Variants in AKAP13 observed in about 807,000 individuals in gnomAD.
AKAP13 encodes A-kinase anchoring protein 13.
In AKAP13, 80 loss-of-function variants were observed where a neutral mutation model predicts 264.5. The observed-to-expected ratio is 0.30, with a 90% CI of 0.25 to 0.36. The LOEUF is 0.36. Ranked by LOEUF, AKAP13 falls within the 10% of genes least tolerant of loss-of-function variation. AKAP13 has a pLI of 1.00. For synonymous variants in AKAP13, 1,380 were observed against 1,250.2 expected, an observed-to-expected ratio of 1.10 and a Z score of -2.19; for missense variants, 3,712 against 3,435.2, an observed-to-expected ratio of 1.08 and a Z score of -2.01.
intron 14 of AKAP13, among the ~76,000 whole-genome samples, chr15:85,674,684 T>A (rs1597011808): frequency 1.3e-5 from 2 of 152,306 alleles, no homozygotes; most frequent in East Asian, 1.9e-4. Flanking sequence ...CTGTACCAGA[T>A]CTTTAAAAAG....
chr15:85,470,435 A>T (rs965212858), intron 1 of AKAP13, among the ~76,000 whole-genome samples: 11 of 152,236 alleles, frequency 7.2e-5, no homozygotes, highest in African/African-American at 2.7e-4. Flanking sequence ...AATAAAGGTA[A>T]TTCACTTTCA....
intron 2 of AKAP13, among the ~76,000 whole-genome samples, chr15:85,489,273 G>A (rs935044129): frequency 3.3e-5 from 5 of 152,178 alleles, no homozygotes; most frequent in Non-Finnish European, 5.9e-5. Context: ...GAGTAACATA[G>A]TTAATACACT....
rs558035516 is a variant in AKAP13 at position 85,508,790 on chromosome 15, A to AT, written c.34-12632dup. The stretch of plus-strand genomic sequence containing the variant: ...TTGCTCCTCCAGACTGACCTTTGCT[A>AT]TTTTTTGAACACGCTGAGTTTGTAC... On this transcript the variant is annotated intron_variant, in intron 2 of 36. Coordinates refer to ENST00000394518, the MANE Select transcript of AKAP13 (RefSeq NM_007200.5). Among the ~76,000 whole-genome samples the AT allele has an allele frequency of 1.3e-3, 198 of 152,132 alleles. 2 individuals are homozygous for AT. Among genetic ancestry groups the AT allele is most frequent in the African/African-American group, 4.7e-3 (194 of 41,492 alleles).
In AKAP13 at chr15:85,629,764, C is replaced by CTTTTTTTTTTTTTTT. The variant is rs773396099; in HGVS notation, c.4162-9591_4162-9577dup. Among the ~76,000 whole-genome samples, 12 of 50,526 alleles carry CTTTTTTTTTTTTTTT rather than the reference C, an allele frequency of 2.4e-4. 1 individual carries two copies. The highest frequency in any genetic ancestry group is 3.3e-4 in the Non-Finnish European group (9 of 26,950). The allele number at this position is 50,526 out of a possible 152,430, so 33.1% of individuals were successfully genotyped here. A position where few individuals can be genotyped will look rare whatever the true frequency, so the allele number is the denominator to read the frequency against. ...GAAATATAATGAGTTCCTTTACAGC[C>CTTTTTTTTTTTTTTT]TTTTTTTTTTTTTTTTTTTTTTTTT... On this transcript the variant is annotated intron_variant, in intron 8 of 36. Transcript: ENST00000394518.
Position 85,572,659 on chromosome 15 carries a change from TA to T in AKAP13, c.663-2462del, listed in dbSNP as rs553677506. ...CCTTATACGTTTTCCACTGTAGCAT[TA>T]AAAAAAAAATTTTTTTTTTATTATT... is the stretch of plus-strand genomic sequence containing the variant. On this transcript the variant is annotated intron_variant, in intron 5 of 36. Transcript: ENST00000394518. 6.6e-3 allele frequency among the ~76,000 whole-genome samples: 989 copies of T among 150,968 alleles called. 13 individuals are homozygous for T. Among genetic ancestry groups the T allele is most frequent in the African/African-American group, 0.022 (920 of 41,220 alleles).
At chr15:85,735,356 T>TAATAATAC (rs2088375893) in intron 31 of AKAP13, among the ~76,000 whole-genome samples, 1 of 152,124 alleles carries the variant, frequency 6.6e-6, no homozygotes, top group African/African-American at 2.4e-5. Flanking sequence ...GCTAAAAGAG[T>TAATAATAC]AATAATACAT....
In AKAP13 at chr15:85,746,914, T is replaced by C. The variant is rs1163859550; in HGVS notation, c.*2237T>C. The C allele has an allele frequency of 6.6e-6, 1 of 152,216 alleles. No homozygotes were observed. Among genetic ancestry groups the C allele is most frequent in the African/African-American group, 2.4e-5 (1 of 41,448 alleles). 9.4% of individuals were successfully genotyped at this position (152,216 alleles called of 1,614,324 possible). ...ATGGGATTTACTTGCGTACGTGCTCTTCACAAAAACACCGTGGATGCTGAA... is the reference window on the plus strand; with the variant it reads ...ATGGGATTTACTTGCGTACGTGCTCCTCACAAAAACACCGTGGATGCTGAA... On this transcript the variant is annotated 3_prime_UTR_variant, in exon 37 of 37. Coordinates refer to ENST00000394518, the MANE Select transcript of AKAP13 (RefSeq NM_007200.5).
chr15:85,631,512 A>T (rs1293206646), intron 8 of AKAP13, among the ~76,000 whole-genome samples: 2,375 of 29,094 alleles, frequency 0.082, 28 homozygotes, highest in East Asian at 0.25. Context: ...TCACACACAC[A>T]CACACACACA....
chr15:85,477,422 A>C (rs1043755245), intron 1 of AKAP13, among the ~76,000 whole-genome samples: 1 of 151,850 alleles, frequency 6.6e-6, no homozygotes, highest in Non-Finnish European at 1.5e-5. Context: ...GGCTGGTGTA[A>C]ATTGATGGGG....
chr15:85,632,285 G>T (rs920788560), intron 8 of AKAP13, among the ~76,000 whole-genome samples: 1 of 152,102 alleles, frequency 6.6e-6, no homozygotes, highest in Non-Finnish European at 1.5e-5. Flanking sequence ...AACACGAAGG[G>T]GTCCAGGTTG....
At chr15:85,551,876 A>AT (rs2077972333) in intron 5 of AKAP13, among the ~76,000 whole-genome samples, 1 of 152,210 alleles carries the variant, frequency 6.6e-6, no homozygotes, top group South Asian at 2.1e-4. Context: ...GCTACATGTG[A>AT]TTTTTACTTG....
intron 1 of AKAP13, among the ~76,000 whole-genome samples, chr15:85,461,628 G>C (rs568222390): frequency 7.3e-5 from 11 of 151,610 alleles, no homozygotes; most frequent in African/African-American, 1.9e-4. Flanking sequence ...TGTTGTTGTT[G>C]GGGGAGGGGT....
At chr15:85,438,684 C>G (rs1434521199) in intron 1 of AKAP13, among the ~76,000 whole-genome samples, 1 of 150,972 alleles carries the variant, frequency 6.6e-6, no homozygotes, top group African/African-American at 2.4e-5. Flanking sequence ...ACTATCTGAT[C>G]TTTGACAAAC....
At chr15:85,495,825 A>G (rs2075855157) in intron 2 of AKAP13, among the ~76,000 whole-genome samples, 1 of 152,184 alleles carries the variant, frequency 6.6e-6, no homozygotes, top group African/African-American at 2.4e-5. Context: ...ATGTTTTTGC[A>G]TGTAACTGCT....
chr15:85,550,134 C>T lies in AKAP13; in HGVS notation c.662+6179C>T, dbSNP rs1195583899. On this transcript the variant is annotated intron_variant, in intron 5 of 36. Coordinates refer to ENST00000394518, the MANE Select transcript of AKAP13 (RefSeq NM_007200.5). ...GTTTCACCGTGTCGGTCAGGCTGGT[C>T]TCGATTTCGTGACCTCGTGATCCGC... Among the ~76,000 whole-genome samples the T allele has an allele frequency of 2.0e-5, 3 of 152,138 alleles. No homozygotes were observed. The East Asian group carries it at 5.8e-4, about 29-fold the overall frequency.
chr15:85,634,423 G>A (rs553669330), intron 8 of AKAP13, among the ~76,000 whole-genome samples: 2 of 152,238 alleles, frequency 1.3e-5, no homozygotes, highest in East Asian at 3.9e-4. Flanking sequence ...AGTTTGTTTA[G>A]ATATTTCTGC....
chr15:85,643,331 T>C (rs2082398147), intron 9 of AKAP13, among the ~76,000 whole-genome samples: 1 of 152,186 alleles, frequency 6.6e-6, no homozygotes, highest in Non-Finnish European at 1.5e-5. Flanking sequence ...TTTAGCCAGA[T>C]GCTTAACTAG....
Position 85,645,766 on chromosome 15 carries a change from G to T in AKAP13, c.4238-52G>T, listed in dbSNP as rs909704824. 187 of 1,456,014 alleles carry T rather than the reference G, an allele frequency of 1.3e-4. No individual in the cohort carries two copies. The highest frequency in any genetic ancestry group is 7.5e-4 in the East Asian group (31 of 41,210). The allele number at this position is 1,456,014 out of a possible 1,614,324, so 90.2% of individuals were successfully genotyped here. On this transcript the variant is annotated intron_variant, in intron 9 of 36. Transcript: ENST00000394518. ...AAGGAAGTGGTTCTTTTTGTTTTTT[G>T]GTTTTTTTGTTTTTTTTTTTTCAAT...
chr15:85,714,160 C>A (rs1397823000), intron 19 of AKAP13, among the ~76,000 whole-genome samples: 1 of 152,102 alleles, frequency 6.6e-6, no homozygotes, highest in Non-Finnish European at 1.5e-5. Flanking sequence ...ATACTGTATT[C>A]TTACAATAAA....
Sources: allele counts gnomAD v4.1 joint callset (sites outside exome capture counted in the v4.1 genomes callset), GRCh38; gene constraint gnomAD v4.1.1; transcripts MANE v1.5; gene names NCBI Gene and HGNC (gene_info 2026-07-23, HGNC 2026-07-21).